The following RBFOX1 variants were observed in gnomAD, a reference collection of about 807,000 sequenced individuals.
RBFOX1 encodes RNA binding protein fox-1 homolog 1.
A neutral mutation model predicts 57.7 loss-of-function variants in RBFOX1; 8 were observed. The ratio of observed to expected loss-of-function variants is 0.14; its 90% CI spans 0.08 to 0.25. RBFOX1 has a LOEUF of 0.25. Ranked by LOEUF, RBFOX1 falls within the 10% of genes least tolerant of loss-of-function variation. The pLI is 1.00. For missense variants in RBFOX1, 611 were observed against 548.5 expected, an observed-to-expected ratio of 1.11 and a Z score of -1.14; for synonymous variants, 326 against 222.4, an observed-to-expected ratio of 1.47 and a Z score of -4.15.
chr16:7,506,344 G>C, intron 4 of RBFOX1, among the ~76,000 whole-genome samples: 1 of 152,010 alleles, frequency 6.6e-6, no homozygotes, highest in East Asian at 1.9e-4. Flanking sequence ...TGGGTACCTG[G>C]CACTAACAAG....
chr16:6,386,168 C>G (rs1272107763), intron 2 of RBFOX1, among the ~76,000 whole-genome samples: 3 of 152,108 alleles, frequency 2.0e-5, no homozygotes, highest in Non-Finnish European at 4.4e-5. Context: ...ATGTCCTGGC[C>G]TCGTGATCCG....
intron 1 of RBFOX1, among the ~76,000 whole-genome samples, chr16:5,460,425 G>A (rs186089657): frequency 6.6e-6 from 1 of 152,174 alleles, no homozygotes; most frequent in African/African-American, 2.4e-5. Context: ...GGACTTGTAA[G>A]TTTCCTTTGA....
At chr16:7,516,759 G>A (rs1383949337) in intron 4 of RBFOX1, among the ~76,000 whole-genome samples, 3 of 152,128 alleles carry the variant, frequency 2.0e-5, no homozygotes, top group African/African-American at 7.2e-5. Context: ...TCTCTTCCAA[G>A]TGTCATCTTT....
At chr16:7,639,603 T>C (rs1027084286) in intron 11 of RBFOX1, among the ~76,000 whole-genome samples, 4 of 152,142 alleles carry the variant, frequency 2.6e-5, no homozygotes, top group African/African-American at 9.7e-5. Flanking sequence ...CAGACAAATA[T>C]ATATAATGCT....
At chr16:6,638,645 T>C (rs907269373) in intron 2 of RBFOX1, among the ~76,000 whole-genome samples, 4 of 152,222 alleles carry the variant, frequency 2.6e-5, no homozygotes, top group East Asian at 1.9e-4. Flanking sequence ...CTAATTTATA[T>C]AATGTTTAGC....
intron 4 of RBFOX1, among the ~76,000 whole-genome samples, chr16:7,119,089 A>G (rs2066540001): frequency 6.6e-6 from 1 of 152,164 alleles, no homozygotes; most frequent in African/African-American, 2.4e-5. Flanking sequence ...AGTAAAAGTA[A>G]GCAACATGCG....
chr16:5,832,778 C>A (rs1194112549), intron 3 of RBFOX1, among the ~76,000 whole-genome samples: 1 of 152,094 alleles, frequency 6.6e-6, no homozygotes, highest in Non-Finnish European at 1.5e-5. Context: ...GAACAGGAAC[C>A]AAAGATGTTC....
chr16:6,977,067 C>G (rs1023717737), intron 3 of RBFOX1, among the ~76,000 whole-genome samples: 2 of 139,036 alleles, frequency 1.4e-5, no homozygotes, highest in South Asian at 2.3e-4. Context: ...ATGAGATATA[C>G]TTTATCATAT....
Position 7,292,531 on chromosome 16 carries a change from TACACACACAC to T in RBFOX1, c.28-225602_28-225593del, listed in dbSNP as rs35731542. 7.2e-5 allele frequency among the ~76,000 whole-genome samples: 10 copies of T among 139,064 alleles called. No homozygotes were observed. The East Asian group carries it at 1.0e-3, about 14-fold the overall frequency. 91.2% of individuals were successfully genotyped at this position (139,064 alleles called of 152,430 possible). On this transcript the variant is annotated intron_variant, in intron 4 of 15. Transcript: ENST00000550418. ...TAAAATATATATAATACTATATGTA[TACACACACAC>T]ACACACACACACAAATATATAACAG...
intron 3 of RBFOX1, among the ~76,000 whole-genome samples, chr16:6,961,403 T>A (rs2082980136): frequency 1.3e-5 from 2 of 152,168 alleles, no homozygotes; most frequent in South Asian, 4.1e-4. Flanking sequence ...CAAATAGCCA[T>A]GAACTTGGTG....
At chr16:6,666,127 G>C (rs9931020) in intron 3 of RBFOX1, among the ~76,000 whole-genome samples, 71,190 of 151,994 alleles carry the variant, frequency 0.47, 16,955 homozygotes, top group African/African-American at 0.54. Flanking sequence ...TATGAGACCT[G>C]CCAGCCACAT....
chr16:6,193,397 TATATATATA>T (rs2097157641), intron 1 of RBFOX1, among the ~76,000 whole-genome samples: 1 of 29,376 alleles, frequency 3.4e-5, no homozygotes, highest in Non-Finnish European at 8.1e-5. Context: ...ATATACTATA[TATATATATA>T]TATATATATA....
intron 4 of RBFOX1, among the ~76,000 whole-genome samples, chr16:7,082,884 A>T (rs543739471): frequency 6.6e-6 from 1 of 152,336 alleles, no homozygotes; most frequent in East Asian, 1.9e-4. Flanking sequence ...TGGATTAATT[A>T]TTTTAAAATA....
At chr16:7,417,407 C>G (rs772705784) in intron 4 of RBFOX1, among the ~76,000 whole-genome samples, 1 of 150,158 alleles carries the variant, frequency 6.7e-6, no homozygotes, top group Non-Finnish European at 1.5e-5. Flanking sequence ...ACCCCATATC[C>G]TGTTCCCCCA....
intron 4 of RBFOX1, among the ~76,000 whole-genome samples, chr16:7,279,711 G>A (rs1275418076): frequency 6.6e-6 from 1 of 152,198 alleles, no homozygotes; most frequent in East Asian, 1.9e-4. Flanking sequence ...CATAATGGGC[G>A]ACGTAAGCTC....
chr16:6,828,003 A>C (rs909097982), intron 3 of RBFOX1, among the ~76,000 whole-genome samples: 1 of 152,158 alleles, frequency 6.6e-6, no homozygotes, highest in South Asian at 2.1e-4. Flanking sequence ...TTGCTCATCA[A>C]TTTTTCCCCA....
intron 3 of RBFOX1, among the ~76,000 whole-genome samples, chr16:5,833,112 C>T (rs1327840908): frequency 1.3e-5 from 2 of 152,142 alleles, no homozygotes; most frequent in Admixed American, 6.5e-5. Flanking sequence ...GTAAGAACCC[C>T]ATACTAGAGC....
At position 6,749,306 on chromosome 16, in the gene RBFOX1, G is replaced by C. The variant is rs78918897; in HGVS notation, c.-16+94656G>C. Among the ~76,000 whole-genome samples the C allele has an allele frequency of 4.1e-3, 627 of 152,234 alleles. 5 individuals are homozygous for C. The highest frequency in any genetic ancestry group is 0.014 in the African/African-American group (585 of 41,568). ...TAATGACATCAACCCAATTAAATGA[G>C]AGAACAGATGCACACAGGACGCATT... is the stretch of plus-strand genomic sequence containing the variant. On this transcript the variant is annotated intron_variant, in intron 3 of 15. Coordinates refer to ENST00000550418, the MANE Select transcript of RBFOX1 (RefSeq NM_018723.4).
chr16:7,341,573 A>G (rs2096891360), intron 4 of RBFOX1, among the ~76,000 whole-genome samples: 1 of 152,142 alleles, frequency 6.6e-6, no homozygotes, highest in Non-Finnish European at 1.5e-5. Context: ...TGACGTCTTC[A>G]TTGCTGTCAG....
Sources: allele counts gnomAD v4.1 joint callset (sites outside exome capture counted in the v4.1 genomes callset), GRCh38; gene constraint gnomAD v4.1.1; transcripts MANE v1.5; gene names NCBI Gene and HGNC (gene_info 2026-07-23, HGNC 2026-07-21).